NBAS: variants seen among roughly 807,000 people sequenced by gnomAD.
NBAS encodes NBAS subunit of NRZ tethering complex.
Under a neutral mutation model 302.5 loss-of-function variants are expected in NBAS, and 219 were observed. The ratio of observed to expected loss-of-function variants is 0.72; its 90% CI spans 0.65 to 0.81. The LOEUF (loss-of-function observed/expected upper bound fraction) is 0.81. Ranked by LOEUF, NBAS falls within the 30% of genes least tolerant of loss-of-function variation. The pLI, the probability that NBAS is intolerant of heterozygous loss-of-function variation, is 0.00. For missense variants in NBAS, 2,932 were observed against 2,841.6 expected (o/e 1.03, Z -0.72); for synonymous variants, 1,118 against 1,021.6 (o/e 1.09, Z -1.80).
At chr2:14,964,701 C>G in the NBAS span, among the ~76,000 whole-genome samples, 14 of 152,136 alleles carry the variant, frequency 9.2e-5, no homozygotes, top group African/African-American at 3.4e-4. Context: ...ACCACACAAC[C>G]TGATTAATTG....
chr2:15,394,328 T>G lies in NBAS; in HGVS notation c.3156A>C (p.Lys1052Asn). The part of the protein sequence containing the change: ...QILSVSELLE[K>N]HGLEKPISFV... Reference sequence around the variant, plus strand: ...ATGAAATTGGTTTCTCGAGTCCATGTTTTTCCAAAAGCTCTGACACACTAT... The same window carrying G: ...ATGAAATTGGTTTCTCGAGTCCATGGTTTTCCAAAAGCTCTGACACACTAT... Residue 1052 changes from lysine to asparagine, a missense_variant, in exon 28 of 52, where the codon AAA becomes AAC. By Grantham distance (94) the Lys-to-Asn change is moderately conservative. Transcript: ENST00000281513. The G allele has an allele frequency of 6.2e-7, 1 of 1,613,066 alleles. No individual in the cohort carries two copies. The highest frequency in any genetic ancestry group is 1.1e-5 in the South Asian group (1 of 91,060).
At chr2:14,881,532 CTG>C in the NBAS span, among the ~76,000 whole-genome samples, 1 of 152,172 alleles carries the variant, frequency 6.6e-6, no homozygotes, top group African/African-American at 2.4e-5. Flanking sequence ...AAAAGAAAAA[CTG>C]TGAATCCAGG....
intron 27 of NBAS, among the ~76,000 whole-genome samples, chr2:15,394,732 T>A (rs1369218469): frequency 6.6e-6 from 1 of 152,120 alleles, no homozygotes; most frequent in Non-Finnish European, 1.5e-5. Flanking sequence ...TAGGCAAGAC[T>A]ACTAGAAAAG....
At chr2:15,383,388 T>A in intron 28 of NBAS, 71 bp from the exon 29 acceptor site, 1 of 1,490,556 alleles carries the variant, frequency 6.7e-7, no homozygotes, top group Non-Finnish European at 9.3e-7. Flanking sequence ...TCAAATGATC[T>A]AAAGTTAAAA....
chr2:15,318,228 C>A (rs184321324), intron 38 of NBAS, among the ~76,000 whole-genome samples: 6 of 152,182 alleles, frequency 3.9e-5, no homozygotes, highest in African/African-American at 1.4e-4. Context: ...GCCTGCCTTA[C>A]AAGAGCTCCT....
At chr2:15,064,505 T>C in the NBAS span, among the ~76,000 whole-genome samples, 6 of 151,734 alleles carry the variant, frequency 4.0e-5, no homozygotes, top group South Asian at 1.3e-3. Context: ...CATGCAAAAA[T>C]AGATAAATAA....
chr2:15,500,932 G>GA (rs1034527869), intron 11 of NBAS, among the ~76,000 whole-genome samples: 15 of 148,848 alleles, frequency 1.0e-4, no homozygotes, highest in South Asian at 2.1e-4. Flanking sequence ...AAAAAAAAAA[G>GA]AAAAAAAAGA....
Position 15,218,894 on chromosome 2 carries a change from C to G in NBAS, c.6311G>C (p.Arg2104Pro), listed in dbSNP as rs773412024. Residue 2104 changes from arginine (R) to proline (P), a missense_variant, in exon 48 of 52, where the codon CGG becomes CCG. By Grantham distance (103) the Arg-to-Pro change is moderately radical. Transcript: ENST00000281513. ...PFCADDAWPVRPRIHVLQILG... is the reference protein window; with the variant it reads ...PFCADDAWPVPPRIHVLQILG... The stretch of plus-strand genomic sequence containing the variant: ...AATCTGCAGCACGTGAATGCGGGGC[C>G]GCACCGGCCAGGCGTCATCAGCACA... The G allele has an allele frequency of 1.9e-6, 3 of 1,614,232 alleles. No homozygotes were observed. Among genetic ancestry groups the G allele is most frequent in the Non-Finnish European group, 2.5e-6 (3 of 1,180,042 alleles).
the NBAS span, among the ~76,000 whole-genome samples, chr2:14,907,315 G>T: frequency 6.6e-6 from 1 of 152,158 alleles, no homozygotes; most frequent in Non-Finnish European, 1.5e-5. Context: ...CTCTGGCAAC[G>T]CACTTACTCA....
At chr2:15,444,593 G>A (rs891510154) in intron 21 of NBAS, among the ~76,000 whole-genome samples, 3 of 152,024 alleles carry the variant, frequency 2.0e-5, no homozygotes, top group Admixed American at 1.3e-4. Flanking sequence ...CATAGGCATG[G>A]GCAAGGATTT....
chr2:14,969,836 G>C, the NBAS span, among the ~76,000 whole-genome samples: 11 of 152,062 alleles, frequency 7.2e-5, no homozygotes. Context: ...AGTGATAAAG[G>C]CTTCGGGTGG....
At chr2:14,815,879 G>A in the NBAS span, among the ~76,000 whole-genome samples, 1 of 152,088 alleles carries the variant, frequency 6.6e-6, no homozygotes, top group Non-Finnish European at 1.5e-5. Flanking sequence ...AGAAATCACT[G>A]AGGCCTGCTA....
At chr2:15,534,294 G>A (rs974674218) in intron 9 of NBAS, among the ~76,000 whole-genome samples, 5 of 152,142 alleles carry the variant, frequency 3.3e-5, no homozygotes, top group East Asian at 1.9e-4. Flanking sequence ...AATAAGGTCC[G>A]GGGGTTAAAA....
intron 49 of NBAS, among the ~76,000 whole-genome samples, chr2:15,189,239 T>C (rs1665229087): frequency 1.3e-5 from 2 of 152,182 alleles, no homozygotes; most frequent in Admixed American, 1.3e-4. Flanking sequence ...AAACATTTCT[T>C]TTCTTTCTGA....
chr2:15,178,211 T>C, intron 51 of NBAS: 1 of 466,884 alleles, frequency 2.1e-6, no homozygotes, highest in South Asian at 1.6e-5. Flanking sequence ...TACATATATA[T>C]GTATATATAC....
chr2:15,208,239 A>G (rs898451928), intron 48 of NBAS, among the ~76,000 whole-genome samples: 1 of 152,198 alleles, frequency 6.6e-6, no homozygotes, highest in Non-Finnish European at 1.5e-5. Context: ...AGAGAGAAGG[A>G]AAAACCAAGT....
the NBAS span, among the ~76,000 whole-genome samples, chr2:15,015,644 C>A: frequency 6.6e-6 from 1 of 152,098 alleles, no homozygotes; most frequent in Non-Finnish European, 1.5e-5. Context: ...TACCTCAACA[C>A]AATAAAGGCC....
chr2:15,538,501 G>A (rs1663631399), intron 7 of NBAS: 1 of 252,224 alleles, frequency 4.0e-6, no homozygotes. Flanking sequence ...GAATCTCTGT[G>A]AGTAGCGCCT....
intron 19 of NBAS, among the ~76,000 whole-genome samples, chr2:15,464,905 A>G (rs7608831): frequency 0.61 from 92,332 of 152,118 alleles, 28,990 homozygotes; most frequent in Non-Finnish European, 0.68. Context: ...CTTTCATGCC[A>G]CTGGGCCTTT....
Sources: gnomAD v4.1 joint callset for allele counts (sites outside exome capture counted in the v4.1 genomes callset) on GRCh38, gnomAD v4.1.1 for gene constraint, MANE v1.5 for transcripts, NCBI Gene and HGNC (gene_info 2026-07-23, HGNC 2026-07-21) for gene names.